The following SEC22A variants were observed in gnomAD, a reference collection of about 807,000 sequenced individuals.
SEC22A encodes vesicle-trafficking protein SEC22a.
A neutral mutation model predicts 35.3 loss-of-function variants in SEC22A; 22 were observed. The ratio of observed to expected loss-of-function variants is 0.62; its 90% CI spans 0.45 to 0.89. The LOEUF (loss-of-function observed/expected upper bound fraction) is 0.89, where lower values mean the gene tolerates loss of function less well. SEC22A is among the 40% of genes least tolerant of loss of function. The pLI, the probability that SEC22A is intolerant of heterozygous loss-of-function variation, is 0.00. For synonymous variants in SEC22A, 119 were observed against 129.5 expected (o/e 0.92, Z 0.55); for missense variants, 354 against 362.5 (o/e 0.98, Z 0.19).
chr3:123,271,763 A>G lies in SEC22A; in HGVS notation c.*41A>G. ...CTATTGCCTTGGCTTCAGGGGGATA[A>G]GGAGGGAACATATCATAACTGCACT... On this transcript the variant is annotated 3_prime_UTR_variant, in exon 7 of 7. Coordinates refer to ENST00000492595, the MANE Select transcript of SEC22A (RefSeq NM_012430.5). 2 of 1,519,506 alleles carry G rather than the reference A, an allele frequency of 1.3e-6. No homozygotes were observed. Among genetic ancestry groups the G allele is most frequent in the Non-Finnish European group, 1.8e-6 (2 of 1,096,542 alleles). The allele number at this position is 1,519,506 out of a possible 1,614,324, so 94.1% of individuals were successfully genotyped here.
At chr3:123,257,656 G>A (rs1213047461) in intron 5 of SEC22A, among the ~76,000 whole-genome samples, 2 of 151,838 alleles carry the variant, frequency 1.3e-5, no homozygotes, top group African/African-American at 2.4e-5. Context: ...CCGAGATCGC[G>A]CCACTGCATT....
At chr3:123,251,107 C>T (rs370005850) in intron 5 of SEC22A, among the ~76,000 whole-genome samples, 3 of 152,094 alleles carry the variant, frequency 2.0e-5, no homozygotes, top group African/African-American at 4.8e-5. Flanking sequence ...ATATTTTTGT[C>T]GGGGAGCCTG....
intron 4 of SEC22A, among the ~76,000 whole-genome samples, chr3:123,240,590 G>A (rs556399206): frequency 5.3e-5 from 8 of 152,128 alleles, no homozygotes; most frequent in South Asian, 2.1e-4. Flanking sequence ...ATAAAGCTAC[G>A]ATGAACATTC....
chr3:123,249,022 T>C (rs541785490), intron 5 of SEC22A, among the ~76,000 whole-genome samples: 1 of 152,300 alleles, frequency 6.6e-6, no homozygotes, highest in South Asian at 2.1e-4. Context: ...CAATTGGAAG[T>C]TCCCACAACC....
At chr3:123,252,392 A>G (rs1201828837) in intron 5 of SEC22A, among the ~76,000 whole-genome samples, 3 of 152,100 alleles carry the variant, frequency 2.0e-5, no homozygotes, top group Non-Finnish European at 4.4e-5. Context: ...TTTTGAAGTT[A>G]CCTACAGTGG....
intron 4 of SEC22A, among the ~76,000 whole-genome samples, chr3:123,242,417 T>C (rs950082010): frequency 1.3e-5 from 2 of 152,174 alleles, no homozygotes; most frequent in Non-Finnish European, 2.9e-5. Context: ...TGAATTTTTT[T>C]CCCCCTTTTG....
At chr3:123,255,242 G>A (rs942792942) in intron 5 of SEC22A, among the ~76,000 whole-genome samples, 3 of 151,992 alleles carry the variant, frequency 2.0e-5, no homozygotes, top group Non-Finnish European at 2.9e-5. Context: ...TCTCTCATCC[G>A]TTCATTTTTA....
intron 4 of SEC22A, among the ~76,000 whole-genome samples, chr3:123,227,933 A>G (rs1174863199): frequency 1.3e-5 from 2 of 150,710 alleles, no homozygotes; most frequent in East Asian, 3.9e-4. Flanking sequence ...TGGGTGACAA[A>G]GCGAGCTCCA....
At chr3:123,260,211 C>A (rs968855085) in intron 6 of SEC22A, among the ~76,000 whole-genome samples, 9 of 136,464 alleles carry the variant, frequency 6.6e-5, no homozygotes, top group African/African-American at 2.0e-4. Flanking sequence ...CTTCCAGGTT[C>A]TACTTATACT....
At chr3:123,215,245 A>C (rs1937000615) in intron 2 of SEC22A, among the ~76,000 whole-genome samples, 1 of 152,198 alleles carries the variant, frequency 6.6e-6, no homozygotes, top group South Asian at 2.1e-4. Flanking sequence ...AGCTGGCTTC[A>C]CAGATGTTAT....
At chr3:123,213,565 C>T (rs751935215) in intron 2 of SEC22A, among the ~76,000 whole-genome samples, 6 of 152,102 alleles carry the variant, frequency 3.9e-5, no homozygotes, top group African/African-American at 1.2e-4. Flanking sequence ...CTGTAGAACT[C>T]GGTTGACTGC....
intron 2 of SEC22A, among the ~76,000 whole-genome samples, chr3:123,217,546 G>A (rs912275020): frequency 5.3e-5 from 8 of 151,874 alleles, no homozygotes; most frequent in Non-Finnish European, 8.8e-5. Flanking sequence ...AAATTTAACA[G>A]TAGATTAGAG....
intron 5 of SEC22A, among the ~76,000 whole-genome samples, chr3:123,250,555 C>A (rs1391011932): frequency 6.6e-6 from 1 of 152,200 alleles, no homozygotes; most frequent in African/African-American, 2.4e-5. Flanking sequence ...TCTTAGGAAG[C>A]AGTGGATTGG....
At chr3:123,268,920 A>G (rs1441007755) in intron 6 of SEC22A, among the ~76,000 whole-genome samples, 2 of 152,174 alleles carry the variant, frequency 1.3e-5, no homozygotes, top group Non-Finnish European at 2.9e-5. Context: ...GAGTTCAGGC[A>G]AGTACCACAA....
At chr3:123,229,537 G>A (rs1471963545) in intron 4 of SEC22A, among the ~76,000 whole-genome samples, 17 of 152,200 alleles carry the variant, frequency 1.1e-4, no homozygotes, top group South Asian at 2.1e-4. Flanking sequence ...AAGAGAATTC[G>A]TTACTAGCAG....
rs1938180267 is a variant in SEC22A at position 123,271,983 on chromosome 3, C to T, written c.*261C>T. On this transcript the variant is annotated 3_prime_UTR_variant, in exon 7 of 7. Coordinates refer to ENST00000492595, the MANE Select transcript of SEC22A (RefSeq NM_012430.5). Reference sequence around the variant, plus strand: ...GTAACAGTGGAAGAACAGTCATATGCCATTGGAAGTCTTGGCCAGCAGTCC... The same window carrying T: ...GTAACAGTGGAAGAACAGTCATATGTCATTGGAAGTCTTGGCCAGCAGTCC... 4 of 473,784 alleles carry T rather than the reference C, an allele frequency of 8.4e-6. No homozygotes were observed. The highest frequency in any genetic ancestry group is 1.5e-5 in the Non-Finnish European group (4 of 262,642). The allele number at this position is 473,784 out of a possible 1,614,324, so 29.3% of individuals were successfully genotyped here.
intron 4 of SEC22A, among the ~76,000 whole-genome samples, chr3:123,236,827 ACG>A (rs201163061): frequency 1.1e-4 from 16 of 152,156 alleles, no homozygotes; most frequent in Admixed American, 3.9e-4. Context: ...ACACACACAC[ACG>A]CACACATATG....
At chr3:123,251,113 G>T (rs1345367677) in intron 5 of SEC22A, among the ~76,000 whole-genome samples, 1 of 152,298 alleles carries the variant, frequency 6.6e-6, no homozygotes, top group East Asian at 1.9e-4. Flanking sequence ...TTGTCGGGGA[G>T]CCTGAATATT....
intron 1 of SEC22A, among the ~76,000 whole-genome samples, chr3:123,205,458 G>A (rs893338404): frequency 8.5e-5 from 13 of 152,270 alleles, no homozygotes; most frequent in Admixed American, 3.3e-4. Flanking sequence ...TGAGGCCGAC[G>A]CAGGTGGATC....
Sources: gnomAD v4.1 joint callset for allele counts (sites outside exome capture counted in the v4.1 genomes callset) on GRCh38, gnomAD v4.1.1 for gene constraint, MANE v1.5 for transcripts, NCBI Gene and HGNC (gene_info 2026-07-23, HGNC 2026-07-21) for gene names.